Variants in SLC35F3 observed in about 807,000 individuals in gnomAD.
SLC35F3 encodes solute carrier family 35 member F3, also known as putative thiamine transporter SLC35F3.
In SLC35F3, 25 loss-of-function variants were observed where a neutral mutation model predicts 49.9. That is an observed-to-expected ratio of 0.50 (90% confidence interval 0.37 to 0.70). The LOEUF is 0.70. Ranked by LOEUF, SLC35F3 falls within the 30% of genes least tolerant of loss-of-function variation. The pLI is 0.00. For synonymous variants in SLC35F3, 275 were observed against 265.4 expected (o/e 1.04, Z -0.35); for missense variants, 525 against 639.8 (o/e 0.82, Z 1.94).
At chr1:233,970,753 C>CT (rs1226741816) in intron 2 of SLC35F3, among the ~76,000 whole-genome samples, 1 of 152,212 alleles carries the variant, frequency 6.6e-6, no homozygotes, top group Non-Finnish European at 1.5e-5. Context: ...AGACGGCCAT[C>CT]TGCAGGCTAA....
intron 2 of SLC35F3, among the ~76,000 whole-genome samples, chr1:234,163,759 TTCTC>T (rs1012862564): frequency 1.1e-4 from 16 of 152,186 alleles, no homozygotes; most frequent in Admixed American, 8.5e-4. Flanking sequence ...GCAAAGCTCT[TTCTC>T]TCTCTCCAGA....
intron 2 of SLC35F3, among the ~76,000 whole-genome samples, chr1:234,012,853 T>A (rs1663745439): frequency 6.6e-6 from 1 of 152,322 alleles, no homozygotes; most frequent in Non-Finnish European, 1.5e-5. Context: ...TATTAAAGGA[T>A]CTGAAGGAAG....
rs1471333526 is a variant in SLC35F3, at chr1:234,065,650, G to A, written c.283+159892G>A. On this transcript the variant is annotated intron_variant, in intron 2 of 7. Transcript: ENST00000366618. ...GAAAAATAGATCATGTCCCACTTTG[G>A]TGGGCATGTGATGTTAGTAAAGACT... Among the ~76,000 whole-genome samples the A allele has an allele frequency of 2.6e-5, 4 of 152,148 alleles. No homozygotes were observed. In the South Asian group the frequency reaches 6.2e-4, roughly 24 times the overall value.
At chr1:234,168,527 C>T (rs867312280) in intron 2 of SLC35F3, among the ~76,000 whole-genome samples, 4 of 152,218 alleles carry the variant, frequency 2.6e-5, no homozygotes, top group East Asian at 3.8e-4. Flanking sequence ...CTCTCCGGGC[C>T]GCCGTTCCAA....
In SLC35F3 at chr1:234,112,239, T is replaced by G. The variant is rs371501498; in HGVS notation, c.284-119178T>G. 4.1e-4 allele frequency among the ~76,000 whole-genome samples: 62 copies of G among 152,098 alleles called. 1 individual carries two copies. In the South Asian group the frequency reaches 0.012, roughly 30 times the overall value. ...GGTGGTGCATGCCTGTGACCCCAGC[T>G]GCTCAGGAGGCTGAGGTAGGAGGAT... On this transcript the variant is annotated intron_variant, in intron 2 of 7. Coordinates refer to ENST00000366618, the MANE Select transcript of SLC35F3 (RefSeq NM_173508.4).
chr1:234,129,446 G>T (rs1279648477), intron 2 of SLC35F3, among the ~76,000 whole-genome samples: 4 of 152,104 alleles, frequency 2.6e-5, no homozygotes, highest in Admixed American at 2.6e-4. Context: ...TATTAGAGAA[G>T]ACCTAAATAA....
chr1:234,117,964 G>GTATA (rs1212715599), intron 2 of SLC35F3, among the ~76,000 whole-genome samples: 1 of 129,924 alleles, frequency 7.7e-6, no homozygotes, highest in African/African-American at 2.6e-5. Flanking sequence ...GTGTGTGTGT[G>GTATA]TATATATATA....
intron 2 of SLC35F3, among the ~76,000 whole-genome samples, chr1:234,112,165 G>A (rs961018247): frequency 2.0e-5 from 3 of 152,000 alleles, no homozygotes; most frequent in African/African-American, 7.2e-5. Flanking sequence ...GTGAGACTTC[G>A]TCTTTACAAA....
At chr1:234,273,443 C>T (rs532086351) in intron 3 of SLC35F3, among the ~76,000 whole-genome samples, 2 of 152,204 alleles carry the variant, frequency 1.3e-5, no homozygotes, top group African/African-American at 4.8e-5. Flanking sequence ...GTCCTGCCCC[C>T]CTATCTGGAG....
chr1:234,129,225 A>G (rs559471169), intron 2 of SLC35F3, among the ~76,000 whole-genome samples: 14 of 152,346 alleles, frequency 9.2e-5, no homozygotes, highest in Non-Finnish European at 1.9e-4. Flanking sequence ...TGGCCAATAC[A>G]CATGAGAAGG....
At chr1:234,016,851 G>C (rs1249408472) in intron 2 of SLC35F3, among the ~76,000 whole-genome samples, 4 of 152,140 alleles carry the variant, frequency 2.6e-5, no homozygotes, top group African/African-American at 9.7e-5. Flanking sequence ...GCCTTTGTTC[G>C]CTTACACCAC....
chr1:234,287,096 G>A (rs1174344544), intron 3 of SLC35F3, among the ~76,000 whole-genome samples: 1 of 152,180 alleles, frequency 6.6e-6, no homozygotes. Context: ...CTACTTGGGA[G>A]GCTGCGGTAG....
chr1:234,089,572 G>A (rs1283363579), intron 2 of SLC35F3, among the ~76,000 whole-genome samples: 2 of 152,192 alleles, frequency 1.3e-5, no homozygotes, highest in South Asian at 2.1e-4. Flanking sequence ...CAGAAGGTTC[G>A]TCTGCTGCCT....
At chr1:233,975,517 C>T (rs1663065678) in intron 2 of SLC35F3, among the ~76,000 whole-genome samples, 1 of 152,242 alleles carries the variant, frequency 6.6e-6, no homozygotes, top group South Asian at 2.1e-4. Flanking sequence ...GTTGCTCTTT[C>T]CCCATTTGAC....
intron 2 of SLC35F3, among the ~76,000 whole-genome samples, chr1:234,015,410 C>G (rs982633357): frequency 2.0e-5 from 3 of 150,376 alleles, no homozygotes; most frequent in Admixed American, 2.0e-4. Flanking sequence ...TTCTAACTAT[C>G]TTATAAAGCT....
intron 2 of SLC35F3, among the ~76,000 whole-genome samples, chr1:233,932,983 A>G (rs1662268414): frequency 6.7e-6 from 1 of 150,348 alleles, no homozygotes; most frequent in African/African-American, 2.4e-5. Context: ...ATTGCAACAT[A>G]ATTTCTGAAG....
At chr1:234,232,535 A>AAAAAAAAG (rs1558268167) in intron 3 of SLC35F3, among the ~76,000 whole-genome samples, 2 of 144,744 alleles carry the variant, frequency 1.4e-5, no homozygotes, top group Non-Finnish European at 3.0e-5. Context: ...AAAAAAAAAA[A>AAAAAAAAG]AAAAAGAAAA....
intron 2 of SLC35F3, among the ~76,000 whole-genome samples, chr1:234,011,683 A>G (rs1663722684): frequency 6.6e-6 from 1 of 152,216 alleles, no homozygotes; most frequent in African/African-American, 2.4e-5. Flanking sequence ...TGGAGACAAC[A>G]TGCAAACTCT....
intron 2 of SLC35F3, among the ~76,000 whole-genome samples, chr1:234,137,274 G>A (rs964356690): frequency 2.6e-5 from 4 of 152,206 alleles, no homozygotes; most frequent in African/African-American, 9.7e-5. Context: ...AGAAAGAGCA[G>A]TCAGAGAGGT....
Sources: gnomAD v4.1 joint callset for allele counts (sites outside exome capture counted in the v4.1 genomes callset) on GRCh38, gnomAD v4.1.1 for gene constraint, MANE v1.5 for transcripts, NCBI Gene and HGNC (gene_info 2026-07-23, HGNC 2026-07-21) for gene names.